The following DAB1 variants were observed in gnomAD, a reference collection of about 807,000 sequenced individuals.
DAB1 encodes DAB adaptor protein 1, also known as disabled homolog 1.
Under a neutral mutation model 64.6 loss-of-function variants are expected in DAB1, and 15 were observed. The ratio of observed to expected loss-of-function variants is 0.23; its 90% CI spans 0.16 to 0.36. The LOEUF is 0.36. Ranked by LOEUF, DAB1 falls within the 10% of genes least tolerant of loss-of-function variation. The pLI is 1.00. For synonymous variants in DAB1, 235 were observed against 251.9 expected (o/e 0.93, Z 0.64); for missense variants, 596 against 706.7 (o/e 0.84, Z 1.78).
intron 3 of DAB1, among the ~76,000 whole-genome samples, chr1:58,357,507 G>A (rs937687736): frequency 2.6e-5 from 4 of 152,108 alleles, no homozygotes; most frequent in African/African-American, 7.2e-5. Flanking sequence ...AGTCCAATAG[G>A]CACTGGGCAT....
intron 5 of DAB1, among the ~76,000 whole-genome samples, chr1:58,003,736 A>G (rs1278445298): frequency 6.6e-6 from 1 of 152,112 alleles, no homozygotes; most frequent in African/African-American, 2.4e-5. Context: ...CCTTGTGGGA[A>G]ATATTGTTGG....
chr1:57,812,631 G>A (rs1209382963), intron 6 of DAB1, among the ~76,000 whole-genome samples: 1 of 152,208 alleles, frequency 6.6e-6, no homozygotes, highest in Non-Finnish European at 1.5e-5. Flanking sequence ...GCAACCCTGT[G>A]CCAGGAACCT....
chr1:57,914,149 T>C (rs1047043907), intron 5 of DAB1, among the ~76,000 whole-genome samples: 1 of 152,158 alleles, frequency 6.6e-6, no homozygotes, highest in African/African-American at 2.4e-5. Flanking sequence ...TGCACACGTA[T>C]GTTTATTGCG....
rs1445597512 is a variant in DAB1, at chr1:57,777,664, T to C, written n.551+106335A>G. On this transcript the variant is annotated intron_variant and non_coding_transcript_variant, in intron 6 of 20. Transcript: ENST00000485760. ...ATAGTACATTTGTATCCTCTTAATG[T>C]TCAGTTTCCTTTAAGTCTATGAACA... 5.3e-5 allele frequency among the ~76,000 whole-genome samples: 8 copies of C among 151,856 alleles called. No individual in the cohort carries two copies. The East Asian group carries it at 1.5e-3, about 29-fold the overall frequency.
intron 6 of DAB1, among the ~76,000 whole-genome samples, chr1:57,714,577 G>T (rs1208311872): frequency 1.9e-4 from 29 of 152,140 alleles, no homozygotes; most frequent in Non-Finnish European, 2.9e-5. Flanking sequence ...CAAAGTTATT[G>T]GAACTTGAAA....
At chr1:58,148,010 G>A (rs954555916) in intron 5 of DAB1, among the ~76,000 whole-genome samples, 2 of 140,686 alleles carry the variant, frequency 1.4e-5, no homozygotes, top group African/African-American at 2.6e-5. Context: ...GCAATCTAAA[G>A]TGCCAAAGAA....
chr1:57,646,446 G>A (rs572628211), intron 7 of DAB1, among the ~76,000 whole-genome samples: 1 of 152,242 alleles, frequency 6.6e-6, no homozygotes, highest in Non-Finnish European at 1.5e-5. Context: ...GTACATGCTG[G>A]TGCACAAAAC....
In DAB1 at chr1:57,103,321, G is replaced by A. The variant is rs57180941; in HGVS notation, c.307-30907C>T. 4.6e-3 allele frequency among the ~76,000 whole-genome samples: 694 copies of A among 152,204 alleles called. 4 individuals carry two copies. The highest frequency in any genetic ancestry group is 0.016 in the African/African-American group (654 of 41,524). On this transcript the variant is annotated intron_variant, in intron 4 of 14. Coordinates refer to ENST00000371236, the MANE Select transcript of DAB1 (RefSeq NM_001365792.1). ...TGTGTTCTCCTCAGGTGCCAACACC[G>A]GACAAGTCAGTGCAGCAGCAGCAGA...
chr1:58,391,952 G>C (rs1312314754), intron 3 of DAB1, among the ~76,000 whole-genome samples: 1 of 152,206 alleles, frequency 6.6e-6, no homozygotes. Flanking sequence ...AATCAAATAA[G>C]TCACTAAGCA....
At chr1:57,343,616 G>T (rs537323420) in intron 1 of DAB1, among the ~76,000 whole-genome samples, 1 of 152,224 alleles carries the variant, frequency 6.6e-6, no homozygotes, top group African/African-American at 2.4e-5. Context: ...GCTAAGGCCC[G>T]GCGAGAAATT....
intron 1 of DAB1, among the ~76,000 whole-genome samples, chr1:57,387,716 G>A (rs1037999296): frequency 6.6e-6 from 1 of 151,670 alleles, no homozygotes; most frequent in African/African-American, 2.4e-5. Flanking sequence ...CAGCTACTCG[G>A]GAGGCTGAGG....
Position 58,495,540 on chromosome 1 carries a change from A to G in DAB1, n.257+10520T>C, listed in dbSNP as rs550217594. 7.9e-5 allele frequency among the ~76,000 whole-genome samples: 12 copies of G among 151,966 alleles called. No individual in the cohort carries two copies. In the South Asian group the frequency reaches 2.5e-3, roughly 32 times the overall value. On this transcript the variant is annotated intron_variant and non_coding_transcript_variant, in intron 3 of 20. Coordinates refer to the DAB1 transcript ENST00000485760. ...TTACTTGATCTGTGGTTTTCTAACA[A>G]TGGCAGGGTGCAAGCTAGTTACAAT...
intron 9 of DAB1, among the ~76,000 whole-genome samples, chr1:57,054,490 T>C (rs2100539772): frequency 6.8e-6 from 1 of 147,184 alleles, no homozygotes; most frequent in East Asian, 2.0e-4. Flanking sequence ...TTTTTTTTTT[T>C]TTTTTGAGAT....
intron 3 of DAB1, among the ~76,000 whole-genome samples, chr1:58,407,230 A>G (rs1006048725): frequency 6.6e-6 from 1 of 152,030 alleles, no homozygotes; most frequent in Admixed American, 6.6e-5. Context: ...TGTGCTGCAG[A>G]GCTGGGAGAA....
chr1:58,403,606 A>G (rs955915613), intron 3 of DAB1, among the ~76,000 whole-genome samples: 2 of 152,166 alleles, frequency 1.3e-5, no homozygotes, highest in African/African-American at 4.8e-5. Flanking sequence ...TTGAGCAAGT[A>G]ATTTAACCTC....
chr1:57,368,037 A>C (rs908345295), intron 1 of DAB1, among the ~76,000 whole-genome samples: 2 of 152,172 alleles, frequency 1.3e-5, no homozygotes, highest in African/African-American at 4.8e-5. Flanking sequence ...TCTTCCTGCT[A>C]TTGGCACCTG....
intron 2 of DAB1, among the ~76,000 whole-genome samples, chr1:57,197,810 A>G (rs1458855031): frequency 6.6e-6 from 1 of 152,234 alleles, no homozygotes; most frequent in Admixed American, 6.5e-5. Flanking sequence ...TTTCACTTGC[A>G]TGTTTTAGAG....
At chr1:57,131,231 G>C (rs1306829989) in intron 4 of DAB1, among the ~76,000 whole-genome samples, 1 of 152,216 alleles carries the variant, frequency 6.6e-6, no homozygotes, top group Non-Finnish European at 1.5e-5. Flanking sequence ...GGTGACCAGA[G>C]TGCAGCCTGG....
intron 9 of DAB1, among the ~76,000 whole-genome samples, chr1:57,053,153 G>T (rs1649358385): frequency 1.3e-5 from 2 of 152,336 alleles, no homozygotes; most frequent in Admixed American, 6.5e-5. Context: ...GAAAGTTGAA[G>T]TGATCAACAA....
Sources: allele counts gnomAD v4.1 joint callset (sites outside exome capture counted in the v4.1 genomes callset), GRCh38; gene constraint gnomAD v4.1.1; transcripts MANE v1.5; gene names NCBI Gene and HGNC (gene_info 2026-07-23, HGNC 2026-07-21).